NUPR1: variants seen among roughly 807,000 people sequenced by gnomAD.
NUPR1 encodes nuclear protein 1, transcriptional regulator.
In NUPR1, 8 loss-of-function variants were observed where a neutral mutation model predicts 7.3. The observed-to-expected ratio is 1.09, with a 90% CI of 0.64 to 1.97. NUPR1 has a LOEUF of 1.97. Ranked by LOEUF, NUPR1 falls within the 30% of genes most tolerant of loss-of-function variation. The pLI is 0.00. For synonymous variants in NUPR1, 39 were observed against 44.5 expected (o/e 0.88, Z 0.49); for missense variants, 96 against 111.7 (o/e 0.86, Z 0.63).
chr16:28,536,025 G>A lies in NUPR1; in HGVS notation c.*1658C>T, dbSNP rs1183318698. ...ATTTGAGGCCAGGAGTTTGAGACCA[G>A]CCTGGCCAACATGATGAAACCCCAT... On this transcript the variant is annotated 3_prime_UTR_variant, in exon 3 of 3. Transcript: ENST00000324873. The A allele has an allele frequency of 6.6e-6, 1 of 152,068 alleles. No homozygotes were observed. The highest frequency in any genetic ancestry group is 2.4e-5 in the African/African-American group (1 of 41,436). The allele number at this position is 152,068 out of a possible 1,614,324, so 9.4% of individuals were successfully genotyped here. A position where few individuals can be genotyped will look rare whatever the true frequency, so the allele number is the denominator to read the frequency against.
In NUPR1 at chr16:28,536,641, A is replaced by G. The variant is rs546819221; in HGVS notation, c.*1042T>C. On this transcript the variant is annotated 3_prime_UTR_variant, in exon 3 of 3. Transcript: ENST00000324873. Reference sequence around the variant, plus strand: ...ACTGCTGTGATTACAGGCATGAGCCACTGCTCCCAGACTTTAGTTTTTGTT... The same window carrying G: ...ACTGCTGTGATTACAGGCATGAGCCGCTGCTCCCAGACTTTAGTTTTTGTT... 2.6e-5 allele frequency: 4 copies of G among 153,176 alleles called. No individual in the cohort carries two copies. The East Asian group carries it at 5.7e-4, about 22-fold the overall frequency. The allele number at this position is 153,176 out of a possible 1,614,324, so 9.5% of individuals were successfully genotyped here.
Position 28,535,533 on chromosome 16 carries a change from TTC to T in NUPR1, c.*2148_*2149del, listed in dbSNP as rs1567277301. ...TTTCTTTCTTTCTTTCTTTCTTTCTTTCTTTCTTTCCTTCTTTCTTTCTTTCT... is the reference window on the plus strand; with the variant it reads ...TTTCTTTCTTTCTTTCTTTCTTTCTTTTTCTTTCCTTCTTTCTTTCTTTCT... On this transcript the variant is annotated 3_prime_UTR_variant, in exon 3 of 3. Coordinates refer to ENST00000324873, the MANE Select transcript of NUPR1 (RefSeq NM_012385.3). The T allele has an allele frequency of 3.5e-4, 27 of 76,716 alleles. No homozygotes were observed. The highest frequency in any genetic ancestry group is 1.2e-3 in the African/African-American group (27 of 22,668). The allele number at this position is 76,716 out of a possible 1,614,324, so 4.8% of individuals were successfully genotyped here. A position where few individuals can be genotyped will look rare whatever the true frequency, so the allele number is the denominator to read the frequency against.
chr16:28,538,333 G>T, intron 1 of NUPR1, 178 bp from the exon 2 acceptor site: 2 of 819,292 alleles, frequency 2.4e-6, no homozygotes, highest in Non-Finnish European at 3.8e-6. Context: ...GAGTAACATA[G>T]CACTCCTGGG....
rs1312047324 is a variant in NUPR1, at chr16:28,535,803, A to G, written c.*1880T>C. ...CCATCATGGCTTACTGTAGCCTCCA[A>G]CTGGGTTCAAGGGATCCTCCAACTT... On this transcript the variant is annotated 3_prime_UTR_variant, in exon 3 of 3. Transcript: ENST00000324873. 6 of 151,304 alleles carry G rather than the reference A, an allele frequency of 4.0e-5. No homozygotes were observed. Among genetic ancestry groups the G allele is most frequent in the East Asian group, 2.0e-4 (1 of 5,102 alleles). The allele number at this position is 151,304 out of a possible 1,614,324, so 9.4% of individuals were successfully genotyped here.
At chr16:28,538,190 C>T (rs1177710782) in intron 1 of NUPR1, 35 bp from the exon 2 acceptor site, 1 of 1,613,854 alleles carries the variant, frequency 6.2e-7, no homozygotes, top group Non-Finnish European at 8.5e-7. Flanking sequence ...GTGAAGTGGG[C>T]ATAGGCATGA....
Position 28,538,937 on chromosome 16 carries a change from T to C in NUPR1, c.-30A>G. ...CCTGGCTTGTCTTCCCTGCCTCTCT[T>C]CTTCTCCTAACGCTTTGTCTGTCTC... On this transcript the variant is annotated 5_prime_UTR_variant, in exon 1 of 3. Coordinates refer to ENST00000324873, the MANE Select transcript of NUPR1 (RefSeq NM_012385.3). 6.4e-7 allele frequency: 1 copy of C among 1,574,504 alleles called. No individual in the cohort carries two copies. The highest frequency in any genetic ancestry group is 2.2e-5 in the East Asian group (1 of 44,618).
Position 28,535,533 on chromosome 16 carries a change from T to C in NUPR1, c.*2150A>G, listed in dbSNP as rs965246550. 23 of 76,668 alleles carry C rather than the reference T, an allele frequency of 3.0e-4. No homozygotes were observed. The highest frequency in any genetic ancestry group is 9.3e-4 in the African/African-American group (21 of 22,598). The allele number at this position is 76,668 out of a possible 1,614,324, so 4.7% of individuals were successfully genotyped here. The stretch of plus-strand genomic sequence containing the variant: ...TTTCTTTCTTTCTTTCTTTCTTTCT[T>C]TCTTTCTTTCCTTCTTTCTTTCTTT... On this transcript the variant is annotated 3_prime_UTR_variant, in exon 3 of 3. Coordinates refer to ENST00000324873, the MANE Select transcript of NUPR1 (RefSeq NM_012385.3).
chr16:28,534,206 C>T lies in NUPR1; in HGVS notation c.*3477G>A, dbSNP rs1371903950. 1 of 152,088 alleles carries T rather than the reference C, an allele frequency of 6.6e-6. No individual in the cohort carries two copies. Among genetic ancestry groups the T allele is most frequent in the Admixed American group, 6.6e-5 (1 of 15,228 alleles). 9.4% of individuals were successfully genotyped at this position (152,088 alleles called of 1,614,324 possible). On this transcript the variant is annotated 3_prime_UTR_variant, in exon 3 of 3. Transcript: ENST00000324873. Reference sequence around the variant, plus strand: ...CCCTCCATAGTGGTATTCAAACAAGCAGAGGCAATCCCACTGTTGCGTGGG... The same window carrying T: ...CCCTCCATAGTGGTATTCAAACAAGTAGAGGCAATCCCACTGTTGCGTGGG...
chr16:28,538,081 C>T lies in NUPR1; in HGVS notation c.187G>A (p.Glu63Lys), dbSNP rs371618392. Residue 63 changes from glutamate (E) to lysine (K), a missense_variant, in exon 2 of 3, where the codon GAG (glutamate) becomes AAG (lysine). Physicochemically the swap from Glu to Lys is moderately conservative, Grantham distance 56. Coordinates refer to ENST00000324873, the MANE Select transcript of NUPR1 (RefSeq NM_012385.3). ...NTNRPSPGGH[E>K]RKLVTKLQNS... ...TGCAGCTTGGTCACCAGTTTCCTCTCGTGCCCGCCAGGGCTGGGGCGGTTG... is the reference window on the plus strand; with the variant it reads ...TGCAGCTTGGTCACCAGTTTCCTCTTGTGCCCGCCAGGGCTGGGGCGGTTG... The T allele has an allele frequency of 1.0e-4, 164 of 1,614,078 alleles. No individual in the cohort carries two copies. The highest frequency in any genetic ancestry group is 1.7e-4 in the Admixed American group (10 of 59,994).
In NUPR1 at chr16:28,535,577, T is replaced by TTTCCTTCC. The variant is rs1567277503; in HGVS notation, c.*2105_*2106insGGAAGGAA. 4.4e-5 allele frequency: 1 copy of TTTCCTTCC among 22,602 alleles called. No homozygotes were observed. The highest frequency in any genetic ancestry group is 2.5e-4 in the African/African-American group (1 of 3,990). The allele number at this position is 22,602 out of a possible 1,614,324, so 1.4% of individuals were successfully genotyped here. ...TTTCTTTCTTTCCTTCCTTCCTTTC[T>TTTCCTTCC]TTCTTTCTTTCTTTCTTTCTTTCTT... On this transcript the variant is annotated 3_prime_UTR_variant, in exon 3 of 3. Transcript: ENST00000324873.
chr16:28,535,579 T>TCTTTCTTTCTTTCCTTCCTTC lies in NUPR1; in HGVS notation c.*2103_*2104insGAAGGAAGGAAAGAAAGAAAG, dbSNP rs2046611365. 3 of 39,210 alleles carry TCTTTCTTTCTTTCCTTCCTTC rather than the reference T, an allele frequency of 7.7e-5. No homozygotes were observed. Among genetic ancestry groups the TCTTTCTTTCTTTCCTTCCTTC allele is most frequent in the African/African-American group, 4.0e-4 (3 of 7,514 alleles). 2.4% of individuals were successfully genotyped at this position (39,210 alleles called of 1,614,324 possible). A position where few individuals can be genotyped will look rare whatever the true frequency, so the allele number is the denominator to read the frequency against. ...TCTTTCTTTCCTTCCTTCCTTTCTT[T>TCTTTCTTTCTTTCCTTCCTTC]CTTTCTTTCTTTCTTTCTTTCTTTC... On this transcript the variant is annotated 3_prime_UTR_variant, in exon 3 of 3. Coordinates refer to ENST00000324873, the MANE Select transcript of NUPR1 (RefSeq NM_012385.3).
In NUPR1 at chr16:28,535,571, C is replaced by CTTTCTTTCTTTCCTTTCTTTCTTTCTTT. The variant is rs1555472555; in HGVS notation, c.*2111_*2112insAAAGAAAGAAAGAAAGGAAAGAAAGAAA. On this transcript the variant is annotated 3_prime_UTR_variant, in exon 3 of 3. Transcript: ENST00000324873. ...TCTTTCTTTCTTTCTTTCCTTCCTT[C>CTTTCTTTCTTTCCTTTCTTTCTTTCTTT]CTTTCTTTCTTTCTTTCTTTCTTTC... 9 of 71,948 alleles carry CTTTCTTTCTTTCCTTTCTTTCTTTCTTT rather than the reference C, an allele frequency of 1.3e-4. No homozygotes were observed. Among genetic ancestry groups the CTTTCTTTCTTTCCTTTCTTTCTTTCTTT allele is most frequent in the Admixed American group, 8.4e-4 (5 of 5,984 alleles). The allele number at this position is 71,948 out of a possible 1,614,324, so 4.5% of individuals were successfully genotyped here.
In NUPR1 at chr16:28,534,401, T is replaced by C. The variant is rs1403685813; in HGVS notation, c.*3282A>G. 6.6e-6 allele frequency: 1 copy of C among 152,256 alleles called. No homozygotes were observed. Among genetic ancestry groups the C allele is most frequent in the African/African-American group, 2.4e-5 (1 of 41,422 alleles). 9.4% of individuals were successfully genotyped at this position (152,256 alleles called of 1,614,324 possible). A position where few individuals can be genotyped will look rare whatever the true frequency, so the allele number is the denominator to read the frequency against. On this transcript the variant is annotated 3_prime_UTR_variant, in exon 3 of 3. Transcript: ENST00000324873. Reference sequence around the variant, plus strand: ...CTCTATCAGGTACTTCGGTCTTCTGTGGATGTCCTTGGGTCCCCATGAACC... The same window carrying C: ...CTCTATCAGGTACTTCGGTCTTCTGCGGATGTCCTTGGGTCCCCATGAACC...
In NUPR1 at chr16:28,535,575, T is replaced by TCTTTCCTTC. The variant is rs1567277487; in HGVS notation, c.*2107_*2108insGAAGGAAAG. On this transcript the variant is annotated 3_prime_UTR_variant, in exon 3 of 3. Transcript: ENST00000324873. The stretch of plus-strand genomic sequence containing the variant: ...TCTTTCTTTCTTTCCTTCCTTCCTT[T>TCTTTCCTTC]CTTTCTTTCTTTCTTTCTTTCTTTC... 333 of 41,384 alleles carry TCTTTCCTTC rather than the reference T, an allele frequency of 8.0e-3. 16 individuals are homozygous for TCTTTCCTTC. Among genetic ancestry groups the TCTTTCCTTC allele is most frequent in the African/African-American group, 0.037 (320 of 8,718 alleles). The allele number at this position is 41,384 out of a possible 1,614,324, so 2.6% of individuals were successfully genotyped here.
In NUPR1 at chr16:28,538,788, G is replaced by A. The variant is rs2046643762; in HGVS notation, c.112+8C>T. On this transcript the variant is annotated splice_region_variant and intron_variant, in intron 1 of 2. Coordinates refer to ENST00000324873, the MANE Select transcript of NUPR1 (RefSeq NM_012385.3). ...GAAGGACCGTGGAGATGGCTGAGTG[G>A]GCCTTACCGAGGTAGGAATGGGCCA... 1 of 1,597,332 alleles carries A rather than the reference G, an allele frequency of 6.3e-7. No homozygotes were observed. The highest frequency in any genetic ancestry group is 1.1e-5 in the South Asian group (1 of 90,480).
In NUPR1 at chr16:28,534,114, C is replaced by G. The variant is rs2046596672; in HGVS notation, c.*3569G>C. 6.6e-6 allele frequency: 1 copy of G among 152,188 alleles called. No homozygotes were observed. The allele number at this position is 152,188 out of a possible 1,614,324, so 9.4% of individuals were successfully genotyped here. A position where few individuals can be genotyped will look rare whatever the true frequency, so the allele number is the denominator to read the frequency against. ...CACCACTGCACTCCAGCCTGGGCGA[C>G]AGAGAGAGACTCCATCTCCCAAAAC... On this transcript the variant is annotated 3_prime_UTR_variant, in exon 3 of 3. Transcript: ENST00000324873.
At chr16:28,538,755 G>T in intron 1 of NUPR1, 41 bp downstream of exon 1, 1 of 1,461,270 alleles carries the variant, frequency 6.8e-7, no homozygotes, top group Non-Finnish European at 9.6e-7. Context: ...CTGATTTCGG[G>T]AGAGGAGGAA....
chr16:28,537,557 A>C lies in NUPR1; in HGVS notation c.*126T>G. On this transcript the variant is annotated 3_prime_UTR_variant, in exon 3 of 3. Transcript: ENST00000324873. Reference sequence around the variant, plus strand: ...CCCCTCAGAGACTCAGTCAGCGGGAATAAGTCCTAGGGGTGGGGGGTGTGG... The same window carrying C: ...CCCCTCAGAGACTCAGTCAGCGGGACTAAGTCCTAGGGGTGGGGGGTGTGG... 1 of 153,404 alleles carries C rather than the reference A, an allele frequency of 6.5e-6. No individual in the cohort carries two copies. The highest frequency in any genetic ancestry group is 1.5e-5 in the Non-Finnish European group (1 of 68,784). 9.5% of individuals were successfully genotyped at this position (153,404 alleles called of 1,614,324 possible).
intron 2 of NUPR1, among the ~76,000 whole-genome samples, 165 bp downstream of exon 2, chr16:28,537,841 T>TTGCTC (rs1391757131): frequency 3.3e-5 from 5 of 152,192 alleles, no homozygotes; most frequent in African/African-American, 4.8e-5. Flanking sequence ...TGTTCCCACT[T>TTGCTC]TGCTCTGGCC....
Sources: gnomAD v4.1 joint callset for allele counts (sites outside exome capture counted in the v4.1 genomes callset) on GRCh38, gnomAD v4.1.1 for gene constraint, MANE v1.5 for transcripts, NCBI Gene and HGNC (gene_info 2026-07-23, HGNC 2026-07-21) for gene names.